Variants in CADM2 observed in about 807,000 individuals in gnomAD.
CADM2 encodes the protein cell adhesion molecule 2.
Under a neutral mutation model 49.8 loss-of-function variants are expected in CADM2, and 12 were observed. The ratio of observed to expected loss-of-function variants is 0.24; its 90% CI spans 0.15 to 0.39. CADM2 has a LOEUF of 0.39. CADM2 is among the 10% of genes least tolerant of loss of function. CADM2 has a pLI of 1.00. For synonymous variants in CADM2, 214 were observed against 175.4 expected (o/e 1.22, Z -1.74); for missense variants, 378 against 492.3 (o/e 0.77, Z 2.20).
intron 1 of CADM2, among the ~76,000 whole-genome samples, chr3:85,358,917 A>T (rs1343952558): frequency 6.6e-6 from 1 of 152,160 alleles, no homozygotes; most frequent in Non-Finnish European, 1.5e-5. Context: ...GCTTACTGTG[A>T]CATTGTCCAA....
intron 1 of CADM2, among the ~76,000 whole-genome samples, chr3:84,969,655 A>C (rs1309799257): frequency 6.6e-6 from 1 of 151,892 alleles, no homozygotes; most frequent in Non-Finnish European, 1.5e-5. Context: ...AAATAGAATA[A>C]ATATTTGCAG....
At chr3:85,591,267 A>G (rs1262680676) in intron 1 of CADM2, among the ~76,000 whole-genome samples, 2 of 151,956 alleles carry the variant, frequency 1.3e-5, no homozygotes, top group Non-Finnish European at 2.9e-5. Flanking sequence ...GTGAAAATTA[A>G]AAAGAATTGA....
At chr3:85,335,130 A>G (rs912245942) in intron 1 of CADM2, among the ~76,000 whole-genome samples, 5 of 151,548 alleles carry the variant, frequency 3.3e-5, no homozygotes, top group Non-Finnish European at 7.4e-5. Flanking sequence ...GTCCTCTCAA[A>G]AAAACAAAAT....
At chr3:85,356,497 GA>G (rs2031870728) in intron 1 of CADM2, among the ~76,000 whole-genome samples, 1 of 151,986 alleles carries the variant, frequency 6.6e-6, no homozygotes, top group African/African-American at 2.4e-5. Context: ...CTGGTATTTT[GA>G]CAAGTGGAAG....
intron 1 of CADM2, among the ~76,000 whole-genome samples, chr3:85,110,693 C>T (rs1226286615): frequency 1.3e-5 from 2 of 151,440 alleles, no homozygotes; most frequent in Non-Finnish European, 3.0e-5. Context: ...ACGCATATGC[C>T]CTTTCAGAAA....
chr3:85,050,113 G>T (rs748341899), intron 1 of CADM2, among the ~76,000 whole-genome samples: 6 of 152,066 alleles, frequency 3.9e-5, no homozygotes, highest in Non-Finnish European at 7.4e-5. Context: ...ATTGCTCTCG[G>T]TGTTCTGTTG....
intron 1 of CADM2, among the ~76,000 whole-genome samples, chr3:85,452,217 A>G (rs1216573858): frequency 1.3e-5 from 2 of 152,252 alleles, no homozygotes; most frequent in South Asian, 2.1e-4. Flanking sequence ...TACAAATCCC[A>G]ACTCTTGAGG....
intron 1 of CADM2, among the ~76,000 whole-genome samples, chr3:85,211,862 T>C (rs1298825165): frequency 1.3e-5 from 2 of 152,152 alleles, no homozygotes; most frequent in African/African-American, 4.8e-5. Flanking sequence ...ATTTTTCAAA[T>C]GCAGAAAGTG....
chr3:85,147,573 CT>C (rs1251360140), intron 1 of CADM2, among the ~76,000 whole-genome samples: 1 of 151,976 alleles, frequency 6.6e-6, no homozygotes, highest in African/African-American at 2.4e-5. Flanking sequence ...TATTGGTTTT[CT>C]TTTCTTTATG....
intron 1 of CADM2, among the ~76,000 whole-genome samples, chr3:85,694,527 A>G (rs1403004172): frequency 3.9e-5 from 6 of 152,208 alleles, no homozygotes; most frequent in Admixed American, 6.5e-5. Flanking sequence ...AGTGTGTGGT[A>G]TTTTGCTATG....
chr3:85,199,374 A>AT (rs2041431819), intron 1 of CADM2, among the ~76,000 whole-genome samples: 4 of 138,748 alleles, frequency 2.9e-5, no homozygotes, highest in Admixed American at 7.2e-5. Context: ...TGTGTATGAG[A>AT]GAGAGAGAGA....
chr3:85,316,278 GTTTAC>G (rs918665466), intron 1 of CADM2, among the ~76,000 whole-genome samples: 7 of 151,984 alleles, frequency 4.6e-5, no homozygotes, highest in Non-Finnish European at 7.4e-5. Context: ...AAAAATGTAT[GTTTAC>G]TTTACAGTAA....
At chr3:85,213,781 CT>C (rs1160576823) in intron 1 of CADM2, among the ~76,000 whole-genome samples, 2 of 151,720 alleles carry the variant, frequency 1.3e-5, no homozygotes, top group African/African-American at 4.8e-5. Context: ...CCTTTGTCTC[CT>C]CTGTGTATTT....
chr3:85,103,712 G>T (rs182301620), intron 1 of CADM2, among the ~76,000 whole-genome samples: 3 of 152,088 alleles, frequency 2.0e-5, no homozygotes, highest in South Asian at 2.1e-4. Context: ...ATCTGGCAAG[G>T]GGGGAGGCAT....
intron 1 of CADM2, among the ~76,000 whole-genome samples, chr3:85,475,240 C>T (rs1285878652): frequency 4.6e-5 from 7 of 151,906 alleles, no homozygotes; most frequent in Admixed American, 3.9e-4. Flanking sequence ...GGTACTCAGA[C>T]CTTTCCAGCT....
At chr3:85,655,235 ATC>A in intron 1 of CADM2, among the ~76,000 whole-genome samples, 1 of 151,948 alleles carries the variant, frequency 6.6e-6, no homozygotes, top group East Asian at 1.9e-4. Context: ...GCTTACTGGA[ATC>A]TCTACCTCCC....
intron 3 of CADM2, among the ~76,000 whole-genome samples, chr3:85,844,486 A>G (rs548436037): frequency 9.1e-4 from 139 of 152,274 alleles, no homozygotes; most frequent in African/African-American, 3.2e-3. Flanking sequence ...AAAATGAAGA[A>G]AGAAACAATG....
chr3:85,579,702 A>G (rs571777096), intron 1 of CADM2, among the ~76,000 whole-genome samples: 120 of 152,296 alleles, frequency 7.9e-4, no homozygotes, highest in African/African-American at 2.7e-3. Context: ...TGACCTAATG[A>G]AACATTTAAA....
intron 1 of CADM2, among the ~76,000 whole-genome samples, chr3:85,383,113 A>G (rs536372787): frequency 3.7e-4 from 57 of 152,140 alleles, no homozygotes; most frequent in Non-Finnish European, 7.8e-4. Context: ...AAATAAGGCA[A>G]CCTCCAAGCT....
Sources: gnomAD v4.1 joint callset for allele counts (sites outside exome capture counted in the v4.1 genomes callset) on GRCh38, gnomAD v4.1.1 for gene constraint, MANE v1.5 for transcripts, NCBI Gene and HGNC (gene_info 2026-07-23, HGNC 2026-07-21) for gene names.